UGT1A9: variants seen among roughly 807,000 people sequenced by gnomAD.
The protein encoded by UGT1A9 is UDP-glucuronosyltransferase 1A9.
UGT1A9 carries 35 observed loss-of-function variants against 45.0 expected under a neutral mutation model. That is an observed-to-expected ratio of 0.78 (90% CI 0.59 to 1.03). UGT1A9 has a LOEUF of 1.03. UGT1A9 is among the 50% of genes least tolerant of loss of function. The pLI is 0.00. For missense variants in UGT1A9, 687 were observed against 666.6 expected (o/e 1.03, Z -0.34); for synonymous variants, 278 against 250.6 (o/e 1.11, Z -1.03).
chr2:233,688,240 G>C lies in UGT1A9; in HGVS notation c.855+15451G>C, dbSNP rs546662065. ...CTTATCCATGTTGTAGCATGAATCA[G>C]TATTTCATTCCTTTACATGGCCGAA... On this transcript the variant is annotated intron_variant, in intron 1 of 4. Coordinates refer to ENST00000354728, the MANE Select transcript of UGT1A9 (RefSeq NM_021027.3). 9.8e-5 allele frequency among the ~76,000 whole-genome samples: 15 copies of C among 152,328 alleles called. No individual in the cohort carries two copies. In the South Asian group the frequency reaches 3.1e-3, roughly 32 times the overall value.
At chr2:233,714,500 A>C (rs558780579) in intron 1 of UGT1A9, among the ~76,000 whole-genome samples, 48 of 152,320 alleles carry the variant, frequency 3.2e-4, no homozygotes, top group Admixed American at 1.4e-3. Context: ...ACACTACTTA[A>C]AAAAAATTCT....
Position 233,772,570 on chromosome 2 carries a change from G to C in UGT1A9, c.*11G>C. Reference sequence around the variant, plus strand: ...TCCAAGACCCATTGAGAAGTGGGTGGGAAATAAGGTAAAATTTTGAACCAT... The same window carrying C: ...TCCAAGACCCATTGAGAAGTGGGTGCGAAATAAGGTAAAATTTTGAACCAT... On this transcript the variant is annotated 3_prime_UTR_variant, in exon 5 of 5. Coordinates refer to ENST00000354728, the MANE Select transcript of UGT1A9 (RefSeq NM_021027.3). The C allele has an allele frequency of 1.2e-6, 2 of 1,612,202 alleles. No individual in the cohort carries two copies. Among genetic ancestry groups the C allele is most frequent in the Non-Finnish European group, 1.7e-6 (2 of 1,179,006 alleles).
intron 1 of UGT1A9, among the ~76,000 whole-genome samples, chr2:233,720,213 A>G (rs1171832820): frequency 6.6e-6 from 1 of 152,188 alleles, no homozygotes; most frequent in East Asian, 1.9e-4. Flanking sequence ...GGTGGGATGG[A>G]TGCATGTGAT....
intron 1 of UGT1A9, among the ~76,000 whole-genome samples, chr2:233,764,478 C>G (rs370150887): frequency 6.6e-6 from 1 of 152,082 alleles, no homozygotes; most frequent in Non-Finnish European, 1.5e-5. Context: ...TATTTAACTT[C>G]GAATGTTTAT....
chr2:233,760,308 C>G (rs780253764), intron 1 of UGT1A9: 1 of 1,613,678 alleles, frequency 6.2e-7, no homozygotes. Flanking sequence ...AGTCCCAGGG[C>G]GGACGCCCAC....
chr2:233,749,922 T>G (rs1694307540), intron 1 of UGT1A9, among the ~76,000 whole-genome samples: 2 of 151,936 alleles, frequency 1.3e-5, no homozygotes, highest in South Asian at 4.1e-4. Context: ...GTGAGTCAAT[T>G]AAAGCTCTTT....
chr2:233,736,738 C>T (rs1478066548), intron 1 of UGT1A9, among the ~76,000 whole-genome samples: 1 of 152,114 alleles, frequency 6.6e-6, no homozygotes, highest in Non-Finnish European at 1.5e-5. Flanking sequence ...TATGCTGTTC[C>T]TTTCTGTTTG....
chr2:233,672,583 C>T lies in UGT1A9; in HGVS notation c.649C>T (p.His217Tyr). The change falls in exon 1 of 5, where the codon CAT (histidine) becomes TAT (tyrosine). Residue 217 changes from histidine (H) to tyrosine (Y), a missense_variant. His to Tyr is a moderately conservative substitution (Grantham distance 83, BLOSUM62 2). Coordinates refer to ENST00000354728, the MANE Select transcript of UGT1A9 (RefSeq NM_021027.3). ...VRNHIMHLEE[H>Y]LLCHRFFKNA... ...GAACCACATCATGCACTTGGAGGAA[C>T]ATTTATTATGCCACCGTTTTTTCAA... 2 of 1,613,952 alleles carry T rather than the reference C, an allele frequency of 1.2e-6. No homozygotes were observed. Among genetic ancestry groups the T allele is most frequent in the South Asian group, 1.1e-5 (1 of 91,080 alleles).
rs1559334798 is a variant in UGT1A9 at position 233,672,797 on chromosome 2, A to G, written c.855+8A>G. ...GGAAAGCCGTTGCCTATGGTAAGTT[A>G]TCTCTCCTTTAGCACCTTAAGAATA... On this transcript the variant is annotated splice_region_variant and intron_variant, in intron 1 of 4. Coordinates refer to ENST00000354728, the MANE Select transcript of UGT1A9 (RefSeq NM_021027.3). The G allele has an allele frequency of 5.6e-6, 9 of 1,612,736 alleles. 1 individual carries two copies. In the South Asian group the frequency reaches 9.9e-5, roughly 18 times the overall value.
At chr2:233,720,048 C>T (rs12466779) in intron 1 of UGT1A9, among the ~76,000 whole-genome samples, 12,140 of 152,146 alleles carry the variant, frequency 0.08, 618 homozygotes, top group East Asian at 0.2. Context: ...TTCAGCTGAA[C>T]GGTGATGCAA....
chr2:233,760,489 A>G (rs756552149), intron 1 of UGT1A9: 1 of 1,614,150 alleles, frequency 6.2e-7, no homozygotes, highest in Non-Finnish European at 8.5e-7. Context: ...CTCGTTGTAC[A>G]TCAGAGACGG....
intron 1 of UGT1A9, chr2:233,740,958 A>C (rs1691521445): frequency 6.6e-6 from 1 of 151,686 alleles, no homozygotes; most frequent in Non-Finnish European, 1.5e-5. Context: ...GTGTGGTAGC[A>C]TTTCTGTAGT....
intron 1 of UGT1A9, among the ~76,000 whole-genome samples, chr2:233,759,124 T>C (rs184414791): frequency 7.2e-5 from 11 of 152,358 alleles, no homozygotes; most frequent in Admixed American, 2.6e-4. Flanking sequence ...AGTTACAGCC[T>C]CTGGTACGCA....
chr2:233,757,331 A>T (rs1696493214), intron 1 of UGT1A9, among the ~76,000 whole-genome samples: 1 of 150,806 alleles, frequency 6.6e-6, no homozygotes, highest in Non-Finnish European at 1.5e-5. Context: ...CTGAAATGGG[A>T]CCATGACAGC....
rs1427279208 is a variant in UGT1A9 at position 233,769,059 on chromosome 2, C to T, written c.1295+620C>T. Among the ~76,000 whole-genome samples, 3 of 152,006 alleles carry T rather than the reference C, an allele frequency of 2.0e-5. No individual in the cohort carries two copies. Among genetic ancestry groups the T allele is most frequent in the African/African-American group, 4.8e-5 (2 of 41,348 alleles). ...ACATCTGATCCATAAGTTTCCTGCA[C>T]AGAAAGAAATACTCCATTATAAGAA... is the stretch of plus-strand genomic sequence containing the variant. On this transcript the variant is annotated intron_variant, in intron 4 of 4. Transcript: ENST00000354728. The surrounding 1 kb of genome is among the most constrained non-coding windows in gnomAD (Gnocchi z 4.4).
At chr2:233,736,231 C>G (rs570595506) in intron 1 of UGT1A9, among the ~76,000 whole-genome samples, 1 of 152,102 alleles carries the variant, frequency 6.6e-6, no homozygotes, top group African/African-American at 2.4e-5. Flanking sequence ...TTTTCTCTAA[C>G]CTTGTCTTCT....
intron 1 of UGT1A9, among the ~76,000 whole-genome samples, chr2:233,677,628 TATC>T (rs1290411442): frequency 6.6e-6 from 1 of 152,064 alleles, no homozygotes; most frequent in Admixed American, 6.6e-5. Context: ...CACAATAAGA[TATC>T]ATCTCACACC....
At chr2:233,681,530 CAAAAA>C (rs747693860) in intron 1 of UGT1A9, among the ~76,000 whole-genome samples, 6 of 77,724 alleles carry the variant, frequency 7.7e-5, no homozygotes, top group African/African-American at 1.4e-4. Flanking sequence ...GACTCCATCT[CAAAAA>C]AAAAAAAAAA....
At chr2:233,681,895 G>C (rs2074544506) in intron 1 of UGT1A9, 1 of 1,588,540 alleles carries the variant, frequency 6.3e-7, no homozygotes, top group African/African-American at 1.3e-5. Context: ...TATATTATAG[G>C]AGCTTAGAAT....
Sources: allele counts gnomAD v4.1 joint callset (sites outside exome capture counted in the v4.1 genomes callset), GRCh38; gene constraint gnomAD v4.1.1; non-coding constraint Gnocchi (gnomAD v3.1); transcripts MANE v1.5; gene names NCBI Gene and HGNC (gene_info 2026-07-23, HGNC 2026-07-21).